MAP3K7CL: variants seen among roughly 807,000 people sequenced by gnomAD.
MAP3K7CL encodes MAP3K7 C-terminal-like protein.
In MAP3K7CL, 16 loss-of-function variants were observed where a neutral mutation model predicts 18.6. The ratio of observed to expected loss-of-function variants is 0.86; its 90% CI spans 0.58 to 1.31. The LOEUF (loss-of-function observed/expected upper bound fraction) is 1.31, where lower values mean the gene tolerates loss of function less well. Among genes scored for constraint, MAP3K7CL ranks in the 50% most tolerant of loss-of-function variants. MAP3K7CL has a pLI of 0.00. For synonymous variants in MAP3K7CL, 65 were observed against 66.8 expected (o/e 0.97, Z 0.13); for missense variants, 163 against 174.4 (o/e 0.93, Z 0.37).
chr21:29,149,219 T>C lies in MAP3K7CL; in HGVS notation c.101T>C (p.Leu34Ser). 6.2e-7 allele frequency: 1 copy of C among 1,614,008 alleles called. No individual in the cohort carries two copies. The highest frequency in any genetic ancestry group is 1.7e-5 in the Admixed American group (1 of 60,032). The change falls in exon 3 of 5, where the codon TTG (leucine) becomes TCG (serine). Residue 34 changes from leucine (L) to serine (S), a missense_variant. Coordinates refer to ENST00000399928, the MANE Select transcript of MAP3K7CL (RefSeq NM_001286620.2). Reference protein sequence around the residue: ...DDTPPEDSIPLVFPELDQQLQ... With the variant: ...DDTPPEDSIPSVFPELDQQLQ... Reference sequence around the variant, plus strand: ...ACACCCCCTGAAGACTCCATTCCTTTGGTCTTTCCAGAATTAGACCAGCAG... The same window carrying C: ...ACACCCCCTGAAGACTCCATTCCTTCGGTCTTTCCAGAATTAGACCAGCAG...
upstream of MAP3K7CL, among the ~76,000 whole-genome samples, chr21:29,126,918 T>C (rs949401685): frequency 2.0e-5 from 3 of 152,196 alleles, no homozygotes; most frequent in Non-Finnish European, 2.9e-5. Context: ...CTTTAAAATG[T>C]TGGGGAAAAT....
At chr21:29,150,957 A>G (rs868625443) in intron 3 of MAP3K7CL, among the ~76,000 whole-genome samples, 1 of 151,038 alleles carries the variant, frequency 6.6e-6, no homozygotes, top group Non-Finnish European at 1.5e-5. Flanking sequence ...TTTAGTAGAG[A>G]CGGGGTTTTG....
chr21:29,089,434 A>G (rs1277371517), intron 1 of MAP3K7CL, among the ~76,000 whole-genome samples: 1 of 152,216 alleles, frequency 6.6e-6, no homozygotes, highest in Non-Finnish European at 1.5e-5. Flanking sequence ...ATGGGTTAAT[A>G]CGTATTTGTG....
chr21:29,159,844 G>C, intron 3 of MAP3K7CL, 97 bp from the exon 4 acceptor site: 1 of 856,020 alleles, frequency 1.2e-6, no homozygotes, highest in South Asian at 1.7e-5. Flanking sequence ...AAAAGAAGAA[G>C]AAAAAACCTT....
intron 4 of MAP3K7CL, among the ~76,000 whole-genome samples, chr21:29,110,030 T>TA: frequency 6.6e-6 from 1 of 152,374 alleles, no homozygotes; most frequent in Admixed American, 6.5e-5. Flanking sequence ...ACTGTGTACT[T>TA]ACTTGCATTT....
At chr21:29,162,045 G>A (rs1358213289) in intron 4 of MAP3K7CL, among the ~76,000 whole-genome samples, 1 of 152,126 alleles carries the variant, frequency 6.6e-6, no homozygotes, top group Non-Finnish European at 1.5e-5. Flanking sequence ...TGATAAAGTT[G>A]CTTGGAATAC....
In MAP3K7CL at chr21:29,175,846, A is replaced by G. The variant is rs1003465621; in HGVS notation, c.*954A>G. The G allele has an allele frequency of 6.6e-6, 1 of 152,052 alleles. No individual in the cohort carries two copies. The highest frequency in any genetic ancestry group is 6.6e-5 in the Admixed American group (1 of 15,266). 9.4% of individuals were successfully genotyped at this position (152,052 alleles called of 1,614,324 possible). On this transcript the variant is annotated 3_prime_UTR_variant, in exon 5 of 5. Transcript: ENST00000399928. Reference sequence around the variant, plus strand: ...AACTCTTTGTTATATGTCCATTTCTATTCATGTAACTTCTTTTTCATTAAA... The same window carrying G: ...AACTCTTTGTTATATGTCCATTTCTGTTCATGTAACTTCTTTTTCATTAAA...
At position 29,174,345 on chromosome 21, in the gene MAP3K7CL, A is replaced by G. The variant is rs1057326238; in HGVS notation, c.249-367A>G. ...ACAAAGACTCAGCCAAGAGAAAACT[A>G]TAGTTGTCCTCTCTACAAGACAATA... is the stretch of plus-strand genomic sequence containing the variant. On this transcript the variant is annotated intron_variant, in intron 4 of 4. Coordinates refer to ENST00000399928, the MANE Select transcript of MAP3K7CL (RefSeq NM_001286620.2). Among the ~76,000 whole-genome samples, 3 of 152,362 alleles carry G rather than the reference A, an allele frequency of 2.0e-5. No individual in the cohort carries two copies. The East Asian group carries it at 5.8e-4, about 29-fold the overall frequency.
Position 29,109,106 on chromosome 21 carries a change from T to C in MAP3K7CL, c.370+16525T>C, listed in dbSNP as rs566247221. ...TGTTCATCATTTCATTTCCAAATTA[T>C]GAAGACCACCTGGGCCTGACTGAAG... On this transcript the variant is annotated intron_variant, in intron 4 of 6. Coordinates refer to the MAP3K7CL transcript ENST00000286791. 70 of 1,535,396 alleles carry C rather than the reference T, an allele frequency of 4.6e-5. 2 individuals are homozygous for C. In the South Asian group the frequency reaches 6.9e-4, roughly 15 times the overall value.
At chr21:29,129,022 C>T (rs981184031), upstream of MAP3K7CL, among the ~76,000 whole-genome samples, 4 of 152,050 alleles carry the variant, frequency 2.6e-5, no homozygotes, top group South Asian at 2.1e-4. Flanking sequence ...ATTAAGAAAG[C>T]CTGCTGAGTC....
chr21:29,125,704 C>T (rs1008893337), upstream of MAP3K7CL, among the ~76,000 whole-genome samples: 4 of 152,122 alleles, frequency 2.6e-5, no homozygotes, highest in Admixed American at 1.3e-4. Context: ...CATTGCCCTA[C>T]GAGAAGGTTT....
intron 2 of MAP3K7CL, among the ~76,000 whole-genome samples, chr21:29,146,955 T>A (rs1031519781): frequency 6.6e-6 from 1 of 152,192 alleles, no homozygotes; most frequent in African/African-American, 2.4e-5. Context: ...TGGACTGTAC[T>A]ATCAGCACAT....
chr21:29,137,379 C>T (rs1186465623), intron 2 of MAP3K7CL, among the ~76,000 whole-genome samples: 1 of 152,132 alleles, frequency 6.6e-6, no homozygotes, highest in East Asian at 1.9e-4. Flanking sequence ...AGCATGACCT[C>T]CTATGGGCTT....
chr21:29,090,121 G>C (rs1175075950), intron 1 of MAP3K7CL, among the ~76,000 whole-genome samples: 2 of 152,116 alleles, frequency 1.3e-5, no homozygotes, highest in Admixed American at 1.3e-4. Context: ...TATTCATTCT[G>C]CAGTATTTTT....
At chr21:29,081,211 G>T (rs1242577242), upstream of MAP3K7CL, among the ~76,000 whole-genome samples, 1 of 152,106 alleles carries the variant, frequency 6.6e-6, no homozygotes, top group African/African-American at 2.4e-5. Flanking sequence ...GATTAAAAAG[G>T]CCAAATTATA....
chr21:29,149,149 G>T, intron 2 of MAP3K7CL, 40 bp from the exon 3 acceptor site: 2 of 1,568,100 alleles, frequency 1.3e-6, no homozygotes, highest in South Asian at 2.2e-5. Context: ...CTACAAGAAA[G>T]AGCTCCATAG....
At chr21:29,118,108 C>T (rs1168840066) in intron 4 of MAP3K7CL, among the ~76,000 whole-genome samples, 6 of 139,864 alleles carry the variant, frequency 4.3e-5, no homozygotes, top group South Asian at 2.4e-4. Flanking sequence ...TTTTTTGAGA[C>T]GGACTCTTGC....
intron 4 of MAP3K7CL, chr21:29,092,622 A>G (rs1568930425): frequency 1.9e-6 from 3 of 1,610,012 alleles, no homozygotes; most frequent in Non-Finnish European, 2.5e-6. Flanking sequence ...CAGGTTCTGA[A>G]GGCTTTTTAC....
upstream of MAP3K7CL, among the ~76,000 whole-genome samples, chr21:29,083,832 ATG>A (rs373782576): frequency 1.1e-4 from 17 of 149,442 alleles, no homozygotes; most frequent in East Asian, 1.2e-3. Flanking sequence ...ATCAGCTGGG[ATG>A]TGTGTGTGTG....
Sources: gnomAD v4.1 joint callset for allele counts (sites outside exome capture counted in the v4.1 genomes callset) on GRCh38, gnomAD v4.1.1 for gene constraint, MANE v1.5 for transcripts, NCBI Gene and HGNC (gene_info 2026-07-23, HGNC 2026-07-21) for gene names.